Variants in SMUG1 observed in about 807,000 individuals in gnomAD.
The protein encoded by SMUG1 is single-strand-selective monofunctional uracil-DNA glycosylase 1.
SMUG1 carries 13 observed loss-of-function variants against 23.9 expected under a neutral mutation model. The observed-to-expected ratio is 0.54, with a 90% CI of 0.35 to 0.86. The LOEUF is 0.86. Ranked by LOEUF, SMUG1 falls within the 40% of genes least tolerant of loss-of-function variation. The pLI is 0.01. For missense variants in SMUG1, 313 were observed against 339.5 expected, an observed-to-expected ratio of 0.92 and a Z score of 0.61; for synonymous variants, 133 against 139.8, an observed-to-expected ratio of 0.95 and a Z score of 0.34.
intron 2 of SMUG1, among the ~76,000 whole-genome samples, chr12:54,185,500 ATAAAT>A (rs1942207911): frequency 1.0e-5 from 1 of 100,282 alleles, no homozygotes; most frequent in African/African-American, 3.7e-5. Flanking sequence ...AAATAAATAA[ATAAAT>A]AAATAAATAA....
In SMUG1 at chr12:54,158,439, AT is replaced by A. The variant is rs1940114722; in HGVS notation, n.687+6934del. On this transcript the variant is annotated intron_variant and non_coding_transcript_variant, in intron 4 of 5. Transcript: ENST00000634429. ...TCCTAGGATCTCAGAATCAGAAGAAATCTTGTAGTGGTCCCATTCCCAAACC... is the reference window on the plus strand; with the variant it reads ...TCCTAGGATCTCAGAATCAGAAGAAACTTGTAGTGGTCCCATTCCCAAACC... 1.3e-5 allele frequency among the ~76,000 whole-genome samples: 2 copies of A among 152,082 alleles called. 1 individual carries two copies. The highest frequency in any genetic ancestry group is 4.1e-4 in the South Asian group (2 of 4,826).
rs1565833292 is a variant in SMUG1 at position 54,185,508 on chromosome 12, ATAAATAAATAAAT to A, written c.-19-1562_-19-1550del. Among the ~76,000 whole-genome samples the A allele has an allele frequency of 2.4e-4, 23 of 94,614 alleles. 3 individuals carry two copies. Among genetic ancestry groups the A allele is most frequent in the South Asian group, 1.1e-3 (3 of 2,812 alleles). 62.1% of individuals were successfully genotyped at this position (94,614 alleles called of 152,430 possible). On this transcript the variant is annotated intron_variant, in intron 2 of 3. Transcript: ENST00000682136. ...AAAAAATAAATAAATAAATAAATAA[ATAAATAAATAAAT>A]AAATAAATTTGCCGGGCGCAACAGC...
downstream of SMUG1, among the ~76,000 whole-genome samples, chr12:54,178,688 T>C (rs780007319): frequency 6.6e-6 from 1 of 152,208 alleles, no homozygotes; most frequent in Non-Finnish European, 1.5e-5. Flanking sequence ...ATTCTAGCAT[T>C]CAAGACCCTT....
At chr12:54,169,619 TAAGA>T (rs757890509) in intron 3 of SMUG1, among the ~76,000 whole-genome samples, 3 of 151,436 alleles carry the variant, frequency 2.0e-5, no homozygotes, top group Non-Finnish European at 2.9e-5. Flanking sequence ...TGAGAAGTCA[TAAGA>T]AAGGAAAGCA....
chr12:54,187,990 GA>G (rs925336121), intron 1 of SMUG1, 88 bp from the exon 2 acceptor site: 1 of 152,044 alleles, frequency 6.6e-6, no homozygotes, highest in African/African-American at 2.4e-5. Flanking sequence ...GAACCCAAAG[GA>G]GGAACTTGTA....
At chr12:54,183,383 G>A in intron 3 of SMUG1, 1 of 567,068 alleles carries the variant, frequency 1.8e-6, no homozygotes, top group South Asian at 2.3e-5. Flanking sequence ...GTAAAGTAAG[G>A]ATGGGGCTGG....
In SMUG1 at chr12:54,181,873, T is replaced by C. The variant is rs1422398919; in HGVS notation, c.*223A>G. 4.9e-6 allele frequency: 7 copies of C among 1,422,152 alleles called. No homozygotes were observed. Among genetic ancestry groups the C allele is most frequent in the Middle Eastern group, 5.2e-4 (2 of 3,852 alleles). 88.1% of individuals were successfully genotyped at this position (1,422,152 alleles called of 1,614,324 possible). On this transcript the variant is annotated 3_prime_UTR_variant, in exon 4 of 4. Coordinates refer to ENST00000682136, the MANE Select transcript of SMUG1 (RefSeq NM_001243787.2). ...AAGTGGGGTCCCCTGAAAGGGGCAA[T>C]GTTAAAAGGTAAAGAAAGCAGGAAT...
At chr12:54,175,493 G>A (rs1940730242), downstream of SMUG1, among the ~76,000 whole-genome samples, 1 of 152,100 alleles carries the variant, frequency 6.6e-6, no homozygotes, top group African/African-American at 2.4e-5. Flanking sequence ...TGACACAATG[G>A]TCCCGTTTTG....
chr12:54,163,377 A>G (rs572658432), downstream of SMUG1, among the ~76,000 whole-genome samples: 8 of 152,334 alleles, frequency 5.3e-5, no homozygotes, highest in East Asian at 9.6e-4. Flanking sequence ...TCATCTGTAA[A>G]ATGGGGGTGA....
Position 54,183,950 on chromosome 12 carries a change from C to T in SMUG1, c.-10G>A, listed in dbSNP as rs141387329. On this transcript the variant is annotated 5_prime_UTR_variant, in exon 3 of 4. Transcript: ENST00000682136. ...GGAAAGCCTGGGGCATATGTCCATG[C>T]CGCTGTCACCTGGGAAAAGAGATGG... The T allele has an allele frequency of 6.6e-7, 1 of 1,520,322 alleles. No homozygotes were observed. Among genetic ancestry groups the T allele is most frequent in the African/African-American group, 1.4e-5 (1 of 72,966 alleles). 94.2% of individuals were successfully genotyped at this position (1,520,322 alleles called of 1,614,324 possible). A position where few individuals can be genotyped will look rare whatever the true frequency, so the allele number is the denominator to read the frequency against.
At chr12:54,171,500 G>A (rs1034238434) in intron 3 of SMUG1, among the ~76,000 whole-genome samples, 4 of 150,912 alleles carry the variant, frequency 2.7e-5, no homozygotes, top group Non-Finnish European at 4.4e-5. Flanking sequence ...GACTATCCTG[G>A]CCAACATGGT....
chr12:54,183,819 T>C lies in SMUG1; in HGVS notation c.122A>G (p.Glu41Gly). 1 of 1,614,036 alleles carries C rather than the reference T, an allele frequency of 6.2e-7. No homozygotes were observed. Among genetic ancestry groups the C allele is most frequent in the Non-Finnish European group, 8.5e-7 (1 of 1,179,984 alleles). Residue 41 changes from glutamate (E) to glycine (G), a missense_variant, in exon 3 of 4, where the codon GAG becomes GGG. By Grantham distance (98) the Glu-to-Gly change is moderately conservative. Transcript: ENST00000682136. ...FLEEELRLNA[E>G]LSQLQFSEPV... ...CTCCGAAAACTGCAGCTGGCTCAGC[T>C]CAGCATTGAGCCGAAGCTCCTCCTC... is the stretch of plus-strand genomic sequence containing the variant.
intron 2 of SMUG1, chr12:54,175,096 T>C (rs1940720968): frequency 6.6e-6 from 1 of 152,192 alleles, no homozygotes; most frequent in Non-Finnish European, 1.5e-5. Flanking sequence ...TTGAAGTTCT[T>C]TACTTCTCTG....
In SMUG1 at chr12:54,181,660, G is replaced by C. The variant is rs186939603; in HGVS notation, c.*436C>G. The C allele has an allele frequency of 2.1e-4, 328 of 1,589,064 alleles. No homozygotes were observed. The African/African-American group carries it at 2.4e-3, about 12-fold the overall frequency. On this transcript the variant is annotated 3_prime_UTR_variant, in exon 4 of 4. Transcript: ENST00000682136. The stretch of plus-strand genomic sequence containing the variant: ...TTTGTCTTGGTCCCTGTGAGGAAAG[G>C]GGTCAGCTAAAGGTAACTGTTCTAT...
At chr12:54,158,765 C>G (rs777971907) in intron 4 of SMUG1, among the ~76,000 whole-genome samples, 1 of 152,184 alleles carries the variant, frequency 6.6e-6, no homozygotes, top group African/African-American at 2.4e-5. Context: ...TACTCTAACT[C>G]CAGCCTACTT....
Position 54,172,053 on chromosome 12 carries a change from C to G in SMUG1, c.*24G>C, listed in dbSNP as rs562936339. 6.8e-5 allele frequency: 31 copies of G among 455,700 alleles called. No homozygotes were observed. The East Asian group carries it at 2.1e-3, about 31-fold the overall frequency. 28.2% of individuals were successfully genotyped at this position (455,700 alleles called of 1,614,324 possible). A position where few individuals can be genotyped will look rare whatever the true frequency, so the allele number is the denominator to read the frequency against. On this transcript the variant is annotated 3_prime_UTR_variant and NMD_transcript_variant, in exon 3 of 5. Coordinates refer to the SMUG1 transcript ENST00000509864. Reference sequence around the variant, plus strand: ...ATACTGCAATCAGCTCCTGACTGGTCTCCCTGCTTCTGCCCTTGTTTTCTC... The same window carrying G: ...ATACTGCAATCAGCTCCTGACTGGTGTCCCTGCTTCTGCCCTTGTTTTCTC...
chr12:54,171,572 C>A (rs1192005741), intron 3 of SMUG1, among the ~76,000 whole-genome samples: 1 of 151,460 alleles, frequency 6.6e-6, no homozygotes, highest in Non-Finnish European at 1.5e-5. Flanking sequence ...TGCCTGTAAT[C>A]CCAGCTAGTC....
chr12:54,182,704 C>G (rs906018947), intron 3 of SMUG1, 81 bp from the exon 4 acceptor site: 3 of 1,524,186 alleles, frequency 2.0e-6, no homozygotes, highest in Non-Finnish European at 2.6e-6. Flanking sequence ...CTTCTTTATA[C>G]CTTACATGAG....
At chr12:54,165,002 AC>A in intron 4 of SMUG1, 1 of 152,246 alleles carries the variant, frequency 6.6e-6, no homozygotes, top group Admixed American at 6.5e-5. Context: ...TTTACAGATG[AC>A]AAGCTGAGGC....
Sources: allele counts gnomAD v4.1 joint callset (sites outside exome capture counted in the v4.1 genomes callset), GRCh38; gene constraint gnomAD v4.1.1; transcripts MANE v1.5; gene names NCBI Gene and HGNC (gene_info 2026-07-23, HGNC 2026-07-21).